The following KALRN variants were observed in gnomAD, a reference collection of about 807,000 sequenced individuals.
KALRN encodes kalirin RhoGEF kinase.
KALRN carries 70 observed loss-of-function variants against 353.7 expected under a neutral mutation model. The ratio of observed to expected loss-of-function variants is 0.20; its 90% CI spans 0.16 to 0.24. The LOEUF is 0.24. KALRN is among the 10% of genes least tolerant of loss of function. The pLI, the probability that KALRN is intolerant of heterozygous loss-of-function variation, is 1.00. For synonymous variants in KALRN, 1,391 were observed against 1,434.8 expected, an observed-to-expected ratio of 0.97 and a Z score of 0.69; for missense variants, 2,791 against 3,756.7, an observed-to-expected ratio of 0.74 and a Z score of 6.72.
intron 8 of KALRN, among the ~76,000 whole-genome samples, chr3:124,332,888 G>A (rs1310888106): frequency 6.6e-6 from 1 of 152,072 alleles, no homozygotes. Flanking sequence ...ATGGGAGAGA[G>A]ATGATGATGA....
chr3:124,641,782 T>G (rs541578433), intron 37 of KALRN, among the ~76,000 whole-genome samples: 3 of 152,334 alleles, frequency 2.0e-5, no homozygotes, highest in Admixed American at 6.5e-5. Flanking sequence ...GCTGGGCACA[T>G]GGAAACTTAG....
chr3:124,678,849 A>G (rs2087489123), intron 50 of KALRN, among the ~76,000 whole-genome samples: 1 of 152,234 alleles, frequency 6.6e-6, no homozygotes, highest in Admixed American at 6.5e-5. Context: ...GGTGAAGCCC[A>G]AATTATTTCT....
Position 124,438,857 on chromosome 3 carries a change from T to G in KALRN, c.3049-31T>G, listed in dbSNP as rs777286591. 3 of 1,588,296 alleles carry G rather than the reference T, an allele frequency of 1.9e-6. No individual in the cohort carries two copies. In the Admixed American group the frequency reaches 5.1e-5, roughly 27 times the overall value. The stretch of plus-strand genomic sequence containing the variant: ...AGAGAATAATTCCTGAATAATTAAT[T>G]TACTGAGTCTTTTCTTCCATGATTC... On this transcript the variant is annotated intron_variant, in intron 17 of 59. Coordinates refer to ENST00000682506, the MANE Select transcript of KALRN (RefSeq NM_001388419.1).
intron 37 of KALRN, among the ~76,000 whole-genome samples, chr3:124,644,694 T>TA (rs1156571169): frequency 6.6e-6 from 1 of 152,228 alleles, no homozygotes; most frequent in Non-Finnish European, 1.5e-5. Context: ...CCATGGTGTA[T>TA]ATGTGCCACA....
Position 124,193,396 on chromosome 3 carries a change from C to A in KALRN, c.74-34594C>A, listed in dbSNP as rs2075126977. Among the ~76,000 whole-genome samples the A allele has an allele frequency of 2.0e-5, 3 of 151,212 alleles. No individual in the cohort carries two copies. The South Asian group carries it at 6.4e-4, about 32-fold the overall frequency. On this transcript the variant is annotated intron_variant, in intron 1 of 59. Transcript: ENST00000682506. ...TGGGCTTTTTCTACATTCTTACTCT[C>A]TTTTTAGCTCTCCTGTCATCTGGAT... is the stretch of plus-strand genomic sequence containing the variant.
intron 49 of KALRN, among the ~76,000 whole-genome samples, chr3:124,675,771 T>C (rs2150422165): frequency 6.6e-6 from 1 of 152,210 alleles, no homozygotes; most frequent in Admixed American, 6.5e-5. Context: ...TAGAAGGCAG[T>C]GTTTGACTGG....
intron 33 of KALRN, among the ~76,000 whole-genome samples, chr3:124,501,605 C>A (rs1486217234): frequency 6.6e-6 from 1 of 152,190 alleles, no homozygotes; most frequent in African/African-American, 2.4e-5. Context: ...GCTGCAGGAG[C>A]CTTCTGAGAA....
At chr3:124,151,181 G>A (rs1290517837) in intron 1 of KALRN, among the ~76,000 whole-genome samples, 2 of 152,116 alleles carry the variant, frequency 1.3e-5, no homozygotes, top group African/African-American at 2.4e-5. Flanking sequence ...TATACACCCA[G>A]TTTTGTGGAG....
intron 1 of KALRN, among the ~76,000 whole-genome samples, chr3:124,056,148 CTT>C (rs1355949244): frequency 4.6e-5 from 7 of 152,210 alleles, no homozygotes; most frequent in Non-Finnish European, 7.3e-5. Flanking sequence ...GGTTGTTTAA[CTT>C]TTTGCCAGCC....
intron 3 of KALRN, 21 bp from the exon 4 acceptor site, chr3:124,264,477 C>G: frequency 6.2e-7 from 1 of 1,609,356 alleles, no homozygotes; most frequent in Non-Finnish European, 8.5e-7. Context: ...GTGACCATAC[C>G]GACCTCTGAC....
intron 5 of KALRN, among the ~76,000 whole-genome samples, chr3:124,287,797 A>G (rs868439809): frequency 1.1e-4 from 2 of 18,474 alleles, no homozygotes; most frequent in Non-Finnish European, 2.5e-4. Flanking sequence ...ATATATATAT[A>G]TATATATATA....
At chr3:124,136,658 C>A (rs1447144839) in intron 1 of KALRN, among the ~76,000 whole-genome samples, 1 of 152,062 alleles carries the variant, frequency 6.6e-6, no homozygotes, top group Non-Finnish European at 1.5e-5. Context: ...CAGGGAGAAA[C>A]AATAACCAGT....
chr3:124,184,057 T>G (rs1164850564), intron 1 of KALRN, among the ~76,000 whole-genome samples: 1 of 152,102 alleles, frequency 6.6e-6, no homozygotes, highest in East Asian at 1.9e-4. Context: ...AGCTGCTGCT[T>G]AAAAATGGGG....
chr3:124,551,062 G>A (rs766344276), intron 33 of KALRN, among the ~76,000 whole-genome samples: 2 of 152,194 alleles, frequency 1.3e-5, no homozygotes, highest in Non-Finnish European at 2.9e-5. Context: ...CAAGGGAACA[G>A]TACAAAGTGT....
chr3:124,125,679 C>T (rs1317446715), intron 1 of KALRN, among the ~76,000 whole-genome samples: 1 of 152,176 alleles, frequency 6.6e-6, no homozygotes, highest in Non-Finnish European at 1.5e-5. Context: ...GTATAATCCC[C>T]CTTCCTAGAA....
In KALRN at chr3:124,286,139, C is replaced by CTTTCTTTCTTT. The variant is rs1553894155; in HGVS notation, c.970-12652_970-12651insTTTCTTTCTTT. On this transcript the variant is annotated intron_variant, in intron 5 of 59. Transcript: ENST00000682506. ...TCTTTCTTTCTTTCTTTCTTTCTTT[C>CTTTCTTTCTTT]CTTTCTTTCTTTCCTTTCTTTCGTC... Among the ~76,000 whole-genome samples, 19 of 41,744 alleles carry CTTTCTTTCTTT rather than the reference C, an allele frequency of 4.6e-4. No individual in the cohort carries two copies. In the East Asian group the frequency reaches 0.01, roughly 23 times the overall value. 27.4% of individuals were successfully genotyped at this position (41,744 alleles called of 152,430 possible).
At chr3:124,141,696 C>G (rs1201473646) in intron 1 of KALRN, among the ~76,000 whole-genome samples, 2 of 152,184 alleles carry the variant, frequency 1.3e-5, no homozygotes, top group African/African-American at 4.8e-5. Flanking sequence ...TAGTGACTGC[C>G]TGGTTCTCAT....
At chr3:124,363,810 A>C (rs950573648) in intron 10 of KALRN, among the ~76,000 whole-genome samples, 1 of 152,242 alleles carries the variant, frequency 6.6e-6, no homozygotes, top group Non-Finnish European at 1.5e-5. Flanking sequence ...AAAGCTAATG[A>C]TTTAATGAGC....
intron 34 of KALRN, among the ~76,000 whole-genome samples, chr3:124,594,959 T>A (rs933024128): frequency 6.6e-6 from 1 of 151,846 alleles, no homozygotes; most frequent in Non-Finnish European, 1.5e-5. Context: ...TTCCTTTTTT[T>A]AAATTTTTTT....
Sources: allele counts gnomAD v4.1 joint callset (sites outside exome capture counted in the v4.1 genomes callset), GRCh38; gene constraint gnomAD v4.1.1; transcripts MANE v1.5; gene names NCBI Gene and HGNC (gene_info 2026-07-23, HGNC 2026-07-21).